Variants in SCLY observed in about 807,000 individuals in gnomAD.
The protein encoded by SCLY is selenocysteine lyase, also known as putative selenocysteine lyase.
SCLY carries 38 observed loss-of-function variants against 50.1 expected under a neutral mutation model. The observed-to-expected ratio is 0.76, with a 90% CI of 0.59 to 0.99. SCLY has a LOEUF of 0.99. SCLY is among the 50% of genes least tolerant of loss of function. The pLI, the probability that SCLY is intolerant of heterozygous loss-of-function variation, is 0.00. For missense variants in SCLY, 600 were observed against 620.0 expected (o/e 0.97, Z 0.34); for synonymous variants, 243 against 249.4 (o/e 0.97, Z 0.24).
At chr2:238,096,971 T>G (rs1439699068) in intron 11 of SCLY, 95 bp downstream of exon 11, 1 of 1,245,022 alleles carries the variant, frequency 8.0e-7, no homozygotes, top group African/African-American at 1.5e-5. Context: ...TGGGCCGCAC[T>G]CTGGCTGGTG....
In SCLY at chr2:238,098,479, C is replaced by T; in HGVS notation, c.*124C>T. ...TCTCATGCCCCCTCTGCATTTTGTC[C>T]TGGAGTGCCAGCGAGTGTGCACCCC... is the stretch of plus-strand genomic sequence containing the variant. On this transcript the variant is annotated 3_prime_UTR_variant, in exon 12 of 12. Coordinates refer to ENST00000254663, the MANE Select transcript of SCLY (RefSeq NM_016510.7). The T allele has an allele frequency of 5.1e-6, 6 of 1,181,388 alleles. No individual in the cohort carries two copies. The highest frequency in any genetic ancestry group is 5.8e-6 in the Non-Finnish European group (5 of 863,542). 73.2% of individuals were successfully genotyped at this position (1,181,388 alleles called of 1,614,324 possible).
chr2:238,065,660 T>TATTATTATTA (rs1553564087), intron 2 of SCLY, among the ~76,000 whole-genome samples: 5 of 143,514 alleles, frequency 3.5e-5, no homozygotes, highest in East Asian at 4.0e-4. Context: ...AATATTTTAT[T>TATTATTATTA]TTATTATTAT....
chr2:238,069,167 CT>C lies in SCLY; in HGVS notation c.304-129del. ...ACCCCAAATCTTTCAAAAGGTCCCA[CT>C]CAGGAAGTTGAATTTCTTTGAAGCT... is the stretch of plus-strand genomic sequence containing the variant. On this transcript the variant is annotated intron_variant, in intron 3 of 11. Transcript: ENST00000254663. The surrounding 1 kb of genome is among the most constrained non-coding windows in gnomAD (Gnocchi z 5.0). The C allele has an allele frequency of 1.3e-6, 1 of 795,746 alleles. No homozygotes were observed. Among genetic ancestry groups the C allele is most frequent in the Middle Eastern group, 3.2e-4 (1 of 3,142 alleles). The allele number at this position is 795,746 out of a possible 1,614,324, so 49.3% of individuals were successfully genotyped here. A position where few individuals can be genotyped will look rare whatever the true frequency, so the allele number is the denominator to read the frequency against.
In SCLY at chr2:238,086,708, T is replaced by TAAAAAAA. The variant is rs386393003; in HGVS notation, c.884+3368_884+3374dup. The stretch of plus-strand genomic sequence containing the variant: ...GCAACAGAGCAAGACCCTGTCTCTT[T>TAAAAAAA]AAAAAAAAAAAAAAAAAAAAGACAA... On this transcript the variant is annotated intron_variant, in intron 7 of 11. Coordinates refer to ENST00000254663, the MANE Select transcript of SCLY (RefSeq NM_016510.7). Among the ~76,000 whole-genome samples the TAAAAAAA allele has an allele frequency of 9.9e-3, 963 of 97,640 alleles. 29 individuals are homozygous for TAAAAAAA. Among genetic ancestry groups the TAAAAAAA allele is most frequent in the African/African-American group, 0.04 (922 of 23,028 alleles). 64.1% of individuals were successfully genotyped at this position (97,640 alleles called of 152,430 possible). A position where few individuals can be genotyped will look rare whatever the true frequency, so the allele number is the denominator to read the frequency against.
At chr2:238,061,886 G>A (rs571119259) in intron 1 of SCLY, among the ~76,000 whole-genome samples, 13 of 152,186 alleles carry the variant, frequency 8.5e-5, no homozygotes, top group Non-Finnish European at 1.9e-4. Flanking sequence ...TCTGGTTTGT[G>A]TGTCTTCTTT....
In SCLY at chr2:238,093,436, TCTGTC is replaced by T. The variant is rs2065390277; in HGVS notation, c.922-423_922-419del. On this transcript the variant is annotated intron_variant, in intron 8 of 11. Transcript: ENST00000254663. The stretch of plus-strand genomic sequence containing the variant: ...CTCTGTTCTAGAGACAGAATGTCTG[TCTGTC>T]CCCTGCAAAGCCCTTGCTGGGACGC... 3 of 235,098 alleles carry T rather than the reference TCTGTC, an allele frequency of 1.3e-5. No individual in the cohort carries two copies. In the South Asian group the frequency reaches 2.0e-4, roughly 15 times the overall value. 14.6% of individuals were successfully genotyped at this position (235,098 alleles called of 1,614,324 possible).
intron 6 of SCLY, chr2:238,082,854 A>G (rs543429900): frequency 6.5e-6 from 2 of 307,142 alleles, no homozygotes; most frequent in East Asian, 1.6e-4. Flanking sequence ...GAAACATGGA[A>G]TCATTTGCAG....
chr2:238,077,013 T>G (rs954542464), intron 4 of SCLY, among the ~76,000 whole-genome samples: 3 of 152,122 alleles, frequency 2.0e-5, no homozygotes, highest in Non-Finnish European at 4.4e-5. Flanking sequence ...TTCTGTTCCC[T>G]TGTTAAAATT....
At chr2:238,098,137 A>AG (rs754627870) in intron 11 of SCLY, 65 bp from the exon 12 acceptor site, 26 of 1,566,738 alleles carry the variant, frequency 1.7e-5, no homozygotes, top group Admixed American at 5.2e-5. Context: ...GGTCCAGAGC[A>AG]GGGGGGGCTG....
At position 238,098,626 on chromosome 2, in the gene SCLY, C is replaced by CCCACATAGGACCGT. The variant is rs1553568628; in HGVS notation, c.*277_*278insAGGACCGTCCACAT. 2 of 323,638 alleles carry CCCACATAGGACCGT rather than the reference C, an allele frequency of 6.2e-6. No homozygotes were observed. Among genetic ancestry groups the CCCACATAGGACCGT allele is most frequent in the African/African-American group, 5.8e-5 (2 of 34,314 alleles). The allele number at this position is 323,638 out of a possible 1,614,324, so 20.0% of individuals were successfully genotyped here. A position where few individuals can be genotyped will look rare whatever the true frequency, so the allele number is the denominator to read the frequency against. ...ACATAGGACCGCCCACATGGGACCG[C>CCCACATAGGACCGT]CCACATGGGACCGCCCACATGGGAC... On this transcript the variant is annotated 3_prime_UTR_variant, in exon 12 of 12. Transcript: ENST00000254663.
At chr2:238,094,891 G>A (rs73098349) in intron 10 of SCLY, 3,998 of 206,908 alleles carry the variant, frequency 0.019, 165 homozygotes, top group African/African-American at 0.086. Context: ...TGAGGGAAAG[G>A]GGAGGTGATC....
chr2:238,096,707 G>A, intron 10 of SCLY, 94 bp from the exon 11 acceptor site: 2 of 1,354,114 alleles, frequency 1.5e-6, no homozygotes, highest in Non-Finnish European at 2.1e-6. Flanking sequence ...CACAGAGGGA[G>A]GGAAGCAGCC....
intron 5 of SCLY, 36 bp from the exon 6 acceptor site, chr2:238,082,009 G>C (rs375680501): frequency 6.3e-6 from 10 of 1,598,312 alleles, no homozygotes; most frequent in Non-Finnish European, 7.7e-6. Flanking sequence ...TCATCAGATC[G>C]GAGCAACATA....
At chr2:238,097,178 T>C (rs1024155062) in intron 11 of SCLY, among the ~76,000 whole-genome samples, 16 of 4,286 alleles carry the variant, frequency 3.7e-3, no homozygotes, top group Admixed American at 8.6e-3. Context: ...CGGGCTGGGG[T>C]GGGCTGGGGT....
rs142838626 is a variant in SCLY, at chr2:238,068,558, G to T, written c.303+393G>T. 1.0e-3 allele frequency among the ~76,000 whole-genome samples: 159 copies of T among 152,228 alleles called. 1 individual carries two copies. Among genetic ancestry groups the T allele is most frequent in the African/African-American group, 3.8e-3 (158 of 41,548 alleles). On this transcript the variant is annotated intron_variant, in intron 3 of 11. Coordinates refer to ENST00000254663, the MANE Select transcript of SCLY (RefSeq NM_016510.7). ...AGTGAGACCCTGTCTCAGAAAGAAAGAGAGTAATGTGTGGTCTTGCTATAT... is the reference window on the plus strand; with the variant it reads ...AGTGAGACCCTGTCTCAGAAAGAAATAGAGTAATGTGTGGTCTTGCTATAT...
intron 4 of SCLY, among the ~76,000 whole-genome samples, chr2:238,071,689 GTTC>G (rs568505978): frequency 2.0e-5 from 3 of 152,182 alleles, no homozygotes; most frequent in Non-Finnish European, 2.9e-5. Flanking sequence ...TTTGCCTTGA[GTTC>G]TTCTTGTGGA....
intron 8 of SCLY, 145 bp downstream of exon 8, chr2:238,091,399 A>G: frequency 1.3e-6 from 1 of 763,092 alleles, no homozygotes; most frequent in South Asian, 1.5e-5. Flanking sequence ...AATCTGATTT[A>G]TCAACCTGGA....
intron 8 of SCLY, chr2:238,091,550 C>CAGCG: frequency 2.4e-6 from 1 of 408,674 alleles, no homozygotes; most frequent in Non-Finnish European, 4.6e-6. Flanking sequence ...GCAGGTTCAC[C>CAGCG]ATTCCCAAAG....
intron 7 of SCLY, among the ~76,000 whole-genome samples, chr2:238,090,826 T>C (rs560711604): frequency 6.6e-6 from 1 of 152,288 alleles, no homozygotes; most frequent in South Asian, 2.1e-4. Flanking sequence ...CCCTCTTGTT[T>C]GCTGATGCCT....
Sources: allele counts gnomAD v4.1 joint callset (sites outside exome capture counted in the v4.1 genomes callset), GRCh38; gene constraint gnomAD v4.1.1; non-coding constraint Gnocchi (gnomAD v3.1); transcripts MANE v1.5; gene names NCBI Gene and HGNC (gene_info 2026-07-23, HGNC 2026-07-21).